The following TEAD4 variants were observed in gnomAD, a reference collection of about 807,000 sequenced individuals.
The protein encoded by TEAD4 is transcriptional enhancer factor TEF-3.
A neutral mutation model predicts 52.4 loss-of-function variants in TEAD4; 36 were observed. The observed-to-expected ratio is 0.69, with a 90% confidence interval of 0.53 to 0.91. The LOEUF (loss-of-function observed/expected upper bound fraction) is 0.91. Among genes scored for constraint, TEAD4 ranks in the 40% least tolerant of loss-of-function variants. The pLI is 0.00. For missense variants in TEAD4, 508 were observed against 583.9 expected (o/e 0.87, Z 1.34); for synonymous variants, 220 against 231.0 (o/e 0.95, Z 0.43).
In TEAD4 at chr12:3,009,774, C is replaced by A. The variant is rs144355277; in HGVS notation, c.227-1230C>A. On this transcript the variant is annotated intron_variant, in intron 3 of 12. Transcript: ENST00000359864. ...TGTCCCCAGACTCCGATTCTCCCCC[C>A]ACTCCTTCCTCTGACACAGACGAGG... 5.3e-3 allele frequency among the ~76,000 whole-genome samples: 808 copies of A among 152,378 alleles called. 3 individuals carry two copies. Among genetic ancestry groups the A allele is most frequent in the Middle Eastern group, 0.01 (3 of 294 alleles).
intron 2 of TEAD4, among the ~76,000 whole-genome samples, chr12:2,962,119 T>C (rs923174306): frequency 1.3e-5 from 2 of 150,522 alleles, no homozygotes; most frequent in African/African-American, 4.9e-5. Flanking sequence ...TTTATTTTTA[T>C]TTTATTTTAT....
intron 5 of TEAD4, among the ~76,000 whole-genome samples, chr12:3,013,638 G>A (rs767704400): frequency 6.6e-6 from 1 of 152,176 alleles, no homozygotes; most frequent in Non-Finnish European, 1.5e-5. Context: ...GGAGGCTGAG[G>A]CAGGAGAATC....
chr12:2,962,301 A>ATATAAATATATAAATATAT (rs1565518128), intron 2 of TEAD4, among the ~76,000 whole-genome samples: 7 of 29,600 alleles, frequency 2.4e-4, no homozygotes, highest in Non-Finnish European at 7.0e-4. Flanking sequence ...TATATATATA[A>ATATAAATATATAAATATAT]ATATAAATAT....
intron 10 of TEAD4, among the ~76,000 whole-genome samples, chr12:3,028,229 G>T (rs955892936): frequency 6.6e-6 from 1 of 152,276 alleles, no homozygotes; most frequent in African/African-American, 2.4e-5. Context: ...TGGGCATTTG[G>T]GTTGTCTCCT....
chr12:2,971,063 A>G (rs2098224573), intron 2 of TEAD4, among the ~76,000 whole-genome samples: 1 of 152,246 alleles, frequency 6.6e-6, no homozygotes, highest in Non-Finnish European at 1.5e-5. Context: ...CAGCAGCCAC[A>G]GCACCCACGG....
intron 2 of TEAD4, among the ~76,000 whole-genome samples, chr12:2,968,852 C>A (rs996470703): frequency 4.0e-4 from 60 of 151,894 alleles, no homozygotes; most frequent in African/African-American, 1.4e-3. Context: ...GTCTTGCTAT[C>A]TTTATTTTGC....
chr12:3,017,966 C>T (rs192716310), intron 6 of TEAD4, among the ~76,000 whole-genome samples: 1 of 152,320 alleles, frequency 6.6e-6, no homozygotes, highest in Non-Finnish European at 1.5e-5. Flanking sequence ...CAGATTTTAA[C>T]TTTCCCAGCC....
At chr12:2,977,468 C>T (rs1434122484) in intron 2 of TEAD4, among the ~76,000 whole-genome samples, 1 of 152,218 alleles carries the variant, frequency 6.6e-6, no homozygotes, top group East Asian at 1.9e-4. Context: ...GCTCCCCGTT[C>T]CCCATCCTGT....
intron 10 of TEAD4, among the ~76,000 whole-genome samples, chr12:3,036,838 A>T (rs2098279712): frequency 6.6e-6 from 1 of 152,116 alleles, no homozygotes; most frequent in East Asian, 1.9e-4. Context: ...CAAAGCACCA[A>T]ATTGTCTCAT....
intron 3 of TEAD4, among the ~76,000 whole-genome samples, chr12:2,996,994 A>G (rs1040222042): frequency 6.6e-6 from 1 of 152,238 alleles, no homozygotes; most frequent in Non-Finnish European, 1.5e-5. Flanking sequence ...ATCCCAAATA[A>G]CAGTGGCTTA....
intron 2 of TEAD4, among the ~76,000 whole-genome samples, chr12:2,960,754 G>T (rs910094598): frequency 4.6e-5 from 7 of 152,224 alleles, no homozygotes; most frequent in Non-Finnish European, 8.8e-5. Flanking sequence ...GAGTAGGTGT[G>T]TGATGCCACG....
intron 11 of TEAD4, among the ~76,000 whole-genome samples, chr12:3,038,583 G>A (rs2098280797): frequency 6.6e-6 from 1 of 152,156 alleles, no homozygotes; most frequent in South Asian, 2.1e-4. Flanking sequence ...TCTGCTTATG[G>A]GTACCCTGGA....
At chr12:3,006,908 C>A (rs533531962) in intron 3 of TEAD4, among the ~76,000 whole-genome samples, 27 of 152,140 alleles carry the variant, frequency 1.8e-4, no homozygotes, top group African/African-American at 5.8e-4. Flanking sequence ...CGCCTGTAAT[C>A]CCAGCTACTT....
intron 3 of TEAD4, among the ~76,000 whole-genome samples, chr12:3,001,191 T>TACC (rs957218365): frequency 3.3e-5 from 5 of 152,354 alleles, no homozygotes; most frequent in African/African-American, 1.2e-4. Context: ...ATAATACTAC[T>TACC]ACCTTTGTGG....
chr12:2,999,968 C>T (rs1438576252), intron 3 of TEAD4, among the ~76,000 whole-genome samples: 1 of 152,118 alleles, frequency 6.6e-6, no homozygotes, highest in Non-Finnish European at 1.5e-5. Flanking sequence ...AGTCTTCCTG[C>T]CTCTTTTCCC....
intron 5 of TEAD4, among the ~76,000 whole-genome samples, chr12:3,013,698 C>T (rs183618007): frequency 1.8e-4 from 27 of 152,280 alleles, no homozygotes; most frequent in African/African-American, 6.3e-4. Context: ...AGTGCCACTG[C>T]ACACCAGTCT....
At chr12:3,009,668 G>A (rs556889606) in intron 3 of TEAD4, among the ~76,000 whole-genome samples, 2 of 152,274 alleles carry the variant, frequency 1.3e-5, no homozygotes, top group South Asian at 2.1e-4. Context: ...TCACTGGACC[G>A]CCAAAGCCTT....
intron 10 of TEAD4, among the ~76,000 whole-genome samples, chr12:3,032,083 C>T (rs903081543): frequency 1.3e-5 from 2 of 152,226 alleles, no homozygotes; most frequent in African/African-American, 2.4e-5. Context: ...TTCTCGACCT[C>T]AGATATCCCT....
chr12:2,972,963 C>G (rs61916420), intron 2 of TEAD4, among the ~76,000 whole-genome samples: 7,512 of 152,262 alleles, frequency 0.049, 203 homozygotes, highest in South Asian at 0.076. Context: ...ATCCCCCAAA[C>G]GATTCCATCC....
Sources: allele counts gnomAD v4.1 joint callset (sites outside exome capture counted in the v4.1 genomes callset), GRCh38; gene constraint gnomAD v4.1.1; transcripts MANE v1.5; gene names NCBI Gene and HGNC (gene_info 2026-07-23, HGNC 2026-07-21).